ZNF541: variants seen among roughly 807,000 people sequenced by gnomAD.
ZNF541 encodes the protein zinc finger protein 541.
In ZNF541, 23 loss-of-function variants were observed where a neutral mutation model predicts 123.5. That is an observed-to-expected ratio of 0.19 (90% CI 0.13 to 0.26). ZNF541 has a LOEUF of 0.26. Among genes scored for constraint, ZNF541 ranks in the 10% least tolerant of loss-of-function variants. The pLI is 1.00. For synonymous variants in ZNF541, 751 were observed against 754.5 expected (o/e 1.00, Z 0.08); for missense variants, 1,612 against 1,789.9 (o/e 0.90, Z 1.79).
chr19:47,556,575 G>A (rs748146684), intron 2 of ZNF541, among the ~76,000 whole-genome samples: 2 of 152,004 alleles, frequency 1.3e-5, no homozygotes, highest in Non-Finnish European at 2.9e-5. Flanking sequence ...TTCCCAAAGT[G>A]CTGGGATTAC....
At chr19:47,566,481 C>T (rs1240116475) in intron 2 of ZNF541, among the ~76,000 whole-genome samples, 1 of 152,126 alleles carries the variant, frequency 6.6e-6, no homozygotes, top group Admixed American at 6.6e-5. Flanking sequence ...TATGGTGGCT[C>T]ACACCTATAA....
chr19:47,560,036 TTGTC>T (rs1360167576), intron 2 of ZNF541, among the ~76,000 whole-genome samples: 2 of 152,102 alleles, frequency 1.3e-5, no homozygotes, highest in Admixed American at 6.6e-5. Context: ...AGAACAGTGG[TTGTC>T]TGTCTGACCT....
intron 8 of ZNF541, among the ~76,000 whole-genome samples, 174 bp downstream of exon 8, chr19:47,539,531 A>G (rs1368850431): frequency 6.6e-6 from 1 of 151,882 alleles, no homozygotes; most frequent in African/African-American, 2.4e-5. Context: ...CGAATACCTG[A>G]GCTCAGGCAA....
chr19:47,529,107 G>T, intron 13 of ZNF541, 69 bp from the exon 14 acceptor site: 1 of 1,158,774 alleles, frequency 8.6e-7, no homozygotes, highest in South Asian at 1.3e-5. Context: ...CTGAAATGCA[G>T]ACCACCTTCC....
At chr19:47,540,442 C>CT (rs776309064) in intron 6 of ZNF541, 107 bp from the exon 7 acceptor site, 102,768 of 923,278 alleles carry the variant, frequency 0.11, no homozygotes, top group South Asian at 0.12. Context: ...AATCCACTGA[C>CT]TTTTTTTTTT....
chr19:47,523,565 G>T (rs918182394), intron 14 of ZNF541, among the ~76,000 whole-genome samples: 1 of 152,060 alleles, frequency 6.6e-6, no homozygotes, highest in Admixed American at 6.6e-5. Context: ...GAACAAGATG[G>T]AGCAACAGAA....
At chr19:47,560,001 G>A (rs1356951306) in intron 2 of ZNF541, among the ~76,000 whole-genome samples, 2 of 152,118 alleles carry the variant, frequency 1.3e-5, no homozygotes, top group African/African-American at 4.8e-5. Context: ...GGTGCTGGAG[G>A]GAACAGAGAG....
At position 47,532,939 on chromosome 19, in the gene ZNF541, A is replaced by C; in HGVS notation, c.3128T>G (p.Val1043Gly). 3.9e-6 allele frequency: 6 copies of C among 1,550,598 alleles called. No homozygotes were observed. The highest frequency in any genetic ancestry group is 5.2e-6 in the Non-Finnish European group (6 of 1,146,420). Residue 1043 changes from valine (V) to glycine (G), a missense_variant, in exon 10 of 17, where the codon GTG becomes GGG. Transcript: ENST00000391901. ...QVDGSFGICV[V>G]KDDTKISIEP... ...AATGCTGATTTTGGTGTCATCCTTC[A>C]CCACACAGATGCCAAAGGACCCATC...
intron 2 of ZNF541, among the ~76,000 whole-genome samples, chr19:47,562,119 G>C (rs1971087035): frequency 6.6e-6 from 1 of 152,030 alleles, no homozygotes; most frequent in African/African-American, 2.4e-5. Flanking sequence ...TGTGGTGGCA[G>C]GCACCTGCAA....
intron 12 of ZNF541, 31 bp from the exon 13 acceptor site, chr19:47,529,683 G>A: frequency 1.3e-6 from 2 of 1,547,026 alleles, no homozygotes; most frequent in Non-Finnish European, 1.7e-6. Context: ...GGCTGCCCAG[G>A]ACCAGGTGGG....
At chr19:47,558,083 A>G (rs1336118776) in intron 2 of ZNF541, among the ~76,000 whole-genome samples, 4 of 152,086 alleles carry the variant, frequency 2.6e-5, no homozygotes, top group Non-Finnish European at 5.9e-5. Context: ...AAGAGGAAAC[A>G]CATCACTAAT....
chr19:47,563,260 G>A (rs186820914), intron 2 of ZNF541, among the ~76,000 whole-genome samples: 2 of 152,266 alleles, frequency 1.3e-5, no homozygotes, highest in East Asian at 1.9e-4. Flanking sequence ...TGCATACCCC[G>A]TATTTTAAGT....
chr19:47,528,881 G>T, intron 14 of ZNF541, 69 bp downstream of exon 14: 2 of 1,337,748 alleles, frequency 1.5e-6, no homozygotes, highest in Non-Finnish European at 2.1e-6. Context: ...CCCCCGACCA[G>T]CCCTGCAGCT....
chr19:47,570,887 G>A (rs1450221175), intron 2 of ZNF541, among the ~76,000 whole-genome samples: 1 of 150,564 alleles, frequency 6.6e-6, no homozygotes, highest in Non-Finnish European at 1.5e-5. Context: ...GGCAGAGGTT[G>A]CAGTGAGCCG....
chr19:47,545,147 G>A lies in ZNF541; in HGVS notation c.1382C>T (p.Pro461Leu), dbSNP rs1221417044. Residue 461 changes from proline (P) to leucine (L), a missense_variant, in exon 5 of 17, where the codon CCG becomes CTG. This residue lies in a region of ZNF541 where 1,080 missense variants were observed against 1,013.8 expected (regional missense o/e 1.07). Transcript: ENST00000391901. The surrounding 1 kb of genome is among the most constrained non-coding windows in gnomAD (Gnocchi z 7.5). ...PSSGSPSEES[P>L]PGPGGGLEDA... ...CTCCAGGCCACCGCCGGGGCCGGGC[G>A]GGGACTCCTCCGAGGGGCTTCCGCT... The A allele has an allele frequency of 7.4e-6, 11 of 1,484,642 alleles. No individual in the cohort carries two copies. The East Asian group carries it at 2.0e-4, about 27-fold the overall frequency. The allele number at this position is 1,484,642 out of a possible 1,614,324, so 92.0% of individuals were successfully genotyped here. A position where few individuals can be genotyped will look rare whatever the true frequency, so the allele number is the denominator to read the frequency against.
intron 2 of ZNF541, among the ~76,000 whole-genome samples, chr19:47,560,530 T>C (rs1051599774): frequency 2.7e-5 from 4 of 145,714 alleles, no homozygotes; most frequent in Non-Finnish European, 5.9e-5. Flanking sequence ...GAGCCAAGAT[T>C]GCGCCACTGC....
chr19:47,557,587 C>T (rs1265651001), intron 2 of ZNF541, among the ~76,000 whole-genome samples: 2 of 152,092 alleles, frequency 1.3e-5, no homozygotes, highest in African/African-American at 4.8e-5. Flanking sequence ...CATCTGTAAC[C>T]CCAACACTTT....
chr19:47,545,397 G>A lies in ZNF541; in HGVS notation c.1132C>T (p.Arg378Trp), dbSNP rs1040161134. ...PEPDTALLQA[R>W]STAECWPEGG... ...TCGGGCCAGCACTCCGCGGTGGACCGGGCCTGGAGCAGCGCGGTATCTGGC... is the reference window on the plus strand; with the variant it reads ...TCGGGCCAGCACTCCGCGGTGGACCAGGCCTGGAGCAGCGCGGTATCTGGC... Residue 378 changes from arginine to tryptophan, a missense_variant, in exon 5 of 17, where the codon CGG (arginine) becomes TGG (tryptophan). Around this residue, in one of 5 missense-constraint regions of ZNF541, gnomAD observed 1,080 missense variants for 1,013.8 expected, o/e 1.07. Coordinates refer to ENST00000391901, the MANE Select transcript of ZNF541 (RefSeq NM_001277075.3). This position sits in a 1 kb window ranked among gnomAD's most constrained non-coding sequence, Gnocchi z 7.5. 5.3e-6 allele frequency: 8 copies of A among 1,513,536 alleles called. No individual in the cohort carries two copies. In the Admixed American group the frequency reaches 1.1e-4, roughly 21 times the overall value. The allele number at this position is 1,513,536 out of a possible 1,614,324, so 93.8% of individuals were successfully genotyped here. A position where few individuals can be genotyped will look rare whatever the true frequency, so the allele number is the denominator to read the frequency against.
rs116042583 is a variant in ZNF541, at chr19:47,532,841, C to T, written c.3158+68G>A. The T allele has an allele frequency of 1.9e-3, 2,853 of 1,490,788 alleles. 50 individuals carry two copies. The African/African-American group carries it at 0.035, about 18-fold the overall frequency. The allele number at this position is 1,490,788 out of a possible 1,614,324, so 92.3% of individuals were successfully genotyped here. On this transcript the variant is annotated intron_variant, in intron 10 of 16. Transcript: ENST00000391901. ...AACCCCACCATGGGAAGAAGGAACC[C>T]TTGGGAAAAGTGACACTAGAACTCA...
Sources: gnomAD v4.1 joint callset for allele counts (sites outside exome capture counted in the v4.1 genomes callset) on GRCh38, gnomAD v4.1.1 for gene constraint, gnomAD v4.1.1 regional missense constraint, Gnocchi (gnomAD v3.1) non-coding constraint, MANE v1.5 for transcripts, NCBI Gene and HGNC (gene_info 2026-07-23, HGNC 2026-07-21) for gene names.